Variants in PALM2AKAP2 observed in about 807,000 individuals in gnomAD.
PALM2AKAP2 encodes the protein PALM2-AKAP2 fusion protein.
PALM2AKAP2 carries 37 observed loss-of-function variants against 71.5 expected under a neutral mutation model. The ratio of observed to expected loss-of-function variants is 0.52; its 90% CI spans 0.40 to 0.68. PALM2AKAP2 has a LOEUF of 0.68. Among genes scored for constraint, PALM2AKAP2 ranks in the 30% least tolerant of loss-of-function variants. PALM2AKAP2 has a pLI of 0.00. For missense variants in PALM2AKAP2, 1,224 were observed against 1,191.8 expected (o/e 1.03, Z -0.40); for synonymous variants, 468 against 478.8 (o/e 0.98, Z 0.29).
At chr9:109,654,752 T>C (rs1162606906) in intron 1 of PALM2AKAP2, among the ~76,000 whole-genome samples, 2 of 147,198 alleles carry the variant, frequency 1.4e-5, no homozygotes, top group African/African-American at 5.0e-5. Flanking sequence ...ATGTGTATGG[T>C]GTGTGTGTGT....
intron 1 of PALM2AKAP2, among the ~76,000 whole-genome samples, chr9:109,764,460 C>T (rs1436915732): frequency 1.3e-5 from 2 of 152,172 alleles, no homozygotes; most frequent in African/African-American, 2.4e-5. Context: ...CCTATGCATC[C>T]TTGAAGTTCA....
intron 1 of PALM2AKAP2, among the ~76,000 whole-genome samples, chr9:110,112,597 C>A (rs1427497057): frequency 3.3e-5 from 5 of 152,194 alleles, no homozygotes; most frequent in African/African-American, 9.7e-5. Flanking sequence ...TTCTAGGACC[C>A]ATTTAGAGTA....
chr9:109,951,379 A>C (rs767226504), intron 6 of PALM2AKAP2, among the ~76,000 whole-genome samples: 3 of 152,226 alleles, frequency 2.0e-5, no homozygotes, highest in Admixed American at 6.5e-5. Flanking sequence ...CGACTTCAGA[A>C]AAGACACTAC....
chr9:109,900,579 G>A (rs1830304801), intron 3 of PALM2AKAP2, among the ~76,000 whole-genome samples: 1 of 152,170 alleles, frequency 6.6e-6, no homozygotes, highest in Non-Finnish European at 1.5e-5. Context: ...TTTCTAAAAT[G>A]TATTCATCAT....
chr9:110,003,652 G>A (rs1832722952), intron 6 of PALM2AKAP2, among the ~76,000 whole-genome samples: 1 of 152,102 alleles, frequency 6.6e-6, no homozygotes, highest in African/African-American at 2.4e-5. Context: ...CATTATTATT[G>A]TGTGGGAGTC....
intron 1 of PALM2AKAP2, among the ~76,000 whole-genome samples, chr9:110,054,002 T>C (rs2132517400): frequency 6.6e-6 from 1 of 152,356 alleles, no homozygotes. Context: ...GCGCCCTTTA[T>C]CCAGAACCAG....
chr9:109,962,570 C>G (rs1019680342), intron 6 of PALM2AKAP2, among the ~76,000 whole-genome samples: 8 of 152,122 alleles, frequency 5.3e-5, no homozygotes, highest in African/African-American at 1.7e-4. Context: ...AAGTAAGATA[C>G]TCAAAATCTC....
intron 3 of PALM2AKAP2, among the ~76,000 whole-genome samples, chr9:109,910,368 G>C (rs1176062135): frequency 1.3e-5 from 2 of 152,202 alleles, no homozygotes; most frequent in African/African-American, 4.8e-5. Flanking sequence ...AAAGGCTGGA[G>C]TTCAGGAGAG....
At chr9:109,710,966 T>C (rs566169938) in intron 1 of PALM2AKAP2, among the ~76,000 whole-genome samples, 193 of 152,330 alleles carry the variant, frequency 1.3e-3, no homozygotes, top group Non-Finnish European at 2.3e-3. Context: ...AAATCTACAC[T>C]GCATGTTTAT....
chr9:109,959,939 A>C (rs561758071), intron 6 of PALM2AKAP2, among the ~76,000 whole-genome samples: 6 of 152,176 alleles, frequency 3.9e-5, no homozygotes, highest in Non-Finnish European at 5.9e-5. Flanking sequence ...TCTCCTACTC[A>C]GTAAGAACAG....
At chr9:110,136,332 C>T (rs1370043797) in exon 2 of PALM2AKAP2, 1 of 1,614,168 alleles carries the variant, frequency 6.2e-7, no homozygotes, top group East Asian at 2.2e-5. Flanking sequence ...TTCTATTCAC[C>T]CCCGCATAAT....
rs137889332 is a variant in PALM2AKAP2 at position 110,138,083 on chromosome 9, G to A, written c.2113G>A (p.Gly705Ser). ...AGAGGAAGCTGAAGCTGCGGCTTTCGGCTCAGAAAAGCCTCAGAGCATGTT... is the reference window on the plus strand; with the variant it reads ...AGAGGAAGCTGAAGCTGCGGCTTTCAGCTCAGAAAAGCCTCAGAGCATGTT... The change falls in exon 2 of 4, where the codon GGC becomes AGC. Residue 705 changes from glycine to serine, a missense_variant. Gly to Ser is a moderately conservative substitution (Grantham distance 56). Transcript: ENST00000374525. 55 of 1,614,008 alleles carry A rather than the reference G, an allele frequency of 3.4e-5. No homozygotes were observed. The highest frequency in any genetic ancestry group is 1.3e-4 in the African/African-American group (10 of 75,030).
At chr9:109,646,747 C>G (rs1320769344) in intron 1 of PALM2AKAP2, among the ~76,000 whole-genome samples, 1 of 152,068 alleles carries the variant, frequency 6.6e-6, no homozygotes, top group Non-Finnish European at 1.5e-5. Flanking sequence ...TAAAAACATC[C>G]CTTACCCTGT....
intron 1 of PALM2AKAP2, among the ~76,000 whole-genome samples, chr9:109,773,021 G>A (rs1829294383): frequency 6.6e-6 from 1 of 152,212 alleles, no homozygotes; most frequent in South Asian, 2.1e-4. Context: ...GGGAGGCTAA[G>A]GCCGGAGAAT....
chr9:109,895,964 G>A (rs891932120), intron 3 of PALM2AKAP2, among the ~76,000 whole-genome samples: 5 of 151,980 alleles, frequency 3.3e-5, no homozygotes, highest in Admixed American at 6.6e-5. Context: ...TGGGTGGATC[G>A]CTTGAGGTCA....
At chr9:109,641,199 A>C (rs1442625526) in intron 1 of PALM2AKAP2, among the ~76,000 whole-genome samples, 1 of 152,218 alleles carries the variant, frequency 6.6e-6, no homozygotes, top group Non-Finnish European at 1.5e-5. Context: ...TGGCCGCAAT[A>C]GCCATGACTT....
chr9:109,815,586 A>G (rs1249948335), intron 1 of PALM2AKAP2, among the ~76,000 whole-genome samples: 1 of 152,178 alleles, frequency 6.6e-6, no homozygotes, highest in African/African-American at 2.4e-5. Flanking sequence ...GGAGGGAGTG[A>G]TGCATGGTGC....
chr9:109,903,613 T>A (rs1172228369), intron 3 of PALM2AKAP2, among the ~76,000 whole-genome samples: 1 of 152,140 alleles, frequency 6.6e-6, no homozygotes, highest in Non-Finnish European at 1.5e-5. Context: ...TTTAATGAAC[T>A]TTCTCCTCCT....
rs537717353 is a variant in PALM2AKAP2, at chr9:109,893,629, G to A, written c.257+12948G>A. ...CCCAGCTAATTTTTGTATTAACACC[G>A]TAGAGATGGGGTTTCACCGTGTTGG... is the stretch of plus-strand genomic sequence containing the variant. On this transcript the variant is annotated intron_variant, in intron 3 of 9. Transcript: ENST00000302798. 5.9e-5 allele frequency among the ~76,000 whole-genome samples: 9 copies of A among 152,182 alleles called. No homozygotes were observed. The South Asian group carries it at 1.2e-3, about 21-fold the overall frequency.
Sources: allele counts gnomAD v4.1 joint callset (sites outside exome capture counted in the v4.1 genomes callset), GRCh38; gene constraint gnomAD v4.1.1; transcripts MANE v1.5; gene names NCBI Gene and HGNC (gene_info 2026-07-23, HGNC 2026-07-21).